HEATR5A: variants seen among roughly 807,000 people sequenced by gnomAD.
HEATR5A encodes the protein HEAT repeat containing 5A, also known as HEAT repeat-containing protein 5A.
A neutral mutation model predicts 218.8 loss-of-function variants in HEATR5A; 178 were observed. That is an observed-to-expected ratio of 0.81 (90% confidence interval 0.72 to 0.92). The LOEUF (loss-of-function observed/expected upper bound fraction) is 0.92. Ranked by LOEUF, HEATR5A falls within the 40% of genes least tolerant of loss-of-function variation. The pLI, the probability that HEATR5A is intolerant of heterozygous loss-of-function variation, is 0.00. For synonymous variants in HEATR5A, 864 were observed against 871.6 expected, an observed-to-expected ratio of 0.99 and a Z score of 0.15; for missense variants, 2,420 against 2,418.9, an observed-to-expected ratio of 1.00 and a Z score of -0.01.
intron 10 of HEATR5A, among the ~76,000 whole-genome samples, chr14:31,382,915 CAT>C (rs1366343462): frequency 6.6e-6 from 1 of 151,440 alleles, no homozygotes; most frequent in African/African-American, 2.4e-5. Context: ...TACTTTCTGG[CAT>C]GACAAGATAT....
rs757863378 is a variant in HEATR5A, at chr14:31,358,672, A to G, written c.2376T>C (p.Phe792=). 4 of 1,613,800 alleles carry G rather than the reference A, an allele frequency of 2.5e-6. No individual in the cohort carries two copies. Among genetic ancestry groups the G allele is most frequent in the Admixed American group, 1.7e-5 (1 of 59,982 alleles). ...LSVISSASKL[F]GVVCAHVGET... ...CTCCCACATGAGCGCATACAACCCCAAAGAGCTTGGATGCAGAACTAATAA... is the reference window on the plus strand; with the variant it reads ...CTCCCACATGAGCGCATACAACCCCGAAGAGCTTGGATGCAGAACTAATAA... The change falls in exon 16 of 36, where the codon TTT becomes TTC. Residue 792 remains phenylalanine, a synonymous_variant. Transcript: ENST00000543095.
At position 31,306,886 on chromosome 14, in the gene HEATR5A, T is replaced by C. The variant is rs1425151026; in HGVS notation, c.4819-7A>G. ...GCAATTCTATACCCAAGTCCTATCA[T>C]GGAAATCATGTACAGGACACTGTAT... On this transcript the variant is annotated splice_region_variant and splice_polypyrimidine_tract_variant and intron_variant, in intron 30 of 35. Coordinates refer to ENST00000543095, the MANE Select transcript of HEATR5A (RefSeq NM_015473.4). 25 of 1,596,274 alleles carry C rather than the reference T, an allele frequency of 1.6e-5. No homozygotes were observed. The highest frequency in any genetic ancestry group is 2.7e-5 in the African/African-American group (2 of 74,500).
chr14:31,342,853 C>T lies in HEATR5A; in HGVS notation c.3228+1043G>A, dbSNP rs556448949. Among the ~76,000 whole-genome samples, 9 of 152,250 alleles carry T rather than the reference C, an allele frequency of 5.9e-5. No homozygotes were observed. The East Asian group carries it at 9.6e-4, about 16-fold the overall frequency. ...TCTACAAAAGTAGGGATAATCTACA[C>T]GACAGATTTTTAAGATTCTGAGGTT... On this transcript the variant is annotated intron_variant, in intron 21 of 35. Transcript: ENST00000543095.
intron 28 of HEATR5A, among the ~76,000 whole-genome samples, chr14:31,311,482 G>A (rs1899750309): frequency 6.6e-6 from 1 of 151,834 alleles, no homozygotes; most frequent in African/African-American, 2.4e-5. Context: ...CACGATGATA[G>A]CTGCCTGCAG....
At chr14:31,336,223 T>TAC (rs1900658378) in intron 22 of HEATR5A, among the ~76,000 whole-genome samples, 1 of 6,686 alleles carries the variant, frequency 1.5e-4, no homozygotes, top group Non-Finnish European at 3.8e-4. Flanking sequence ...CATACATATA[T>TAC]ATATATATAT....
chr14:31,406,893 G>C (rs1329143203), intron 1 of HEATR5A, among the ~76,000 whole-genome samples: 2 of 147,978 alleles, frequency 1.4e-5, no homozygotes, highest in Non-Finnish European at 1.5e-5. Context: ...CAGGAACCCG[G>C]GAGGTAGAGG....
At position 31,387,305 on chromosome 14, in the gene HEATR5A, T is replaced by G. The variant is rs930323423; in HGVS notation, c.1004A>C (p.His335Pro). The change falls in exon 8 of 36, where the codon CAT becomes CCT. Residue 335 changes from histidine (H) to proline (P), a missense_variant. Transcript: ENST00000543095. The stretch of plus-strand genomic sequence containing the variant: ...TGACGGTGACGCAAGGCTTAGGATA[T>G]GAGAAAAAAAGGCAGCAAAATTTTT... ...LEKNFAAFFS[H>P]ILSLASPSHP... 1.2e-6 allele frequency: 2 copies of G among 1,613,792 alleles called. No individual in the cohort carries two copies. The highest frequency in any genetic ancestry group is 3.3e-5 in the Admixed American group (2 of 59,994).
chr14:31,318,195 C>CT (rs1348982968), intron 26 of HEATR5A, 29 bp downstream of exon 26: 1 of 1,593,166 alleles, frequency 6.3e-7, no homozygotes, highest in Non-Finnish European at 8.6e-7. Context: ...CCAAGATTAT[C>CT]TCTTAAGCTT....
Position 31,364,173 on chromosome 14 carries a change from G to T in HEATR5A, c.2071+16C>A. On this transcript the variant is annotated intron_variant, in intron 14 of 35. Coordinates refer to ENST00000543095, the MANE Select transcript of HEATR5A (RefSeq NM_015473.4). ...CTAGCCACAAACAAAAAAACATTTT[G>T]GTCTAAGGCACATACCTTCATAGGT... The T allele has an allele frequency of 8.8e-7, 1 of 1,132,230 alleles. No homozygotes were observed. Among genetic ancestry groups the T allele is most frequent in the Non-Finnish European group, 1.3e-6 (1 of 789,550 alleles). The allele number at this position is 1,132,230 out of a possible 1,614,324, so 70.1% of individuals were successfully genotyped here. A position where few individuals can be genotyped will look rare whatever the true frequency, so the allele number is the denominator to read the frequency against.
intron 13 of HEATR5A, among the ~76,000 whole-genome samples, chr14:31,369,866 G>A (rs1415728558): frequency 3.3e-5 from 5 of 151,372 alleles, no homozygotes; most frequent in South Asian, 2.1e-4. Flanking sequence ...CCCGGGAGAC[G>A]GAGGTTGCTG....
intron 25 of HEATR5A, chr14:31,320,479 C>T: frequency 1.5e-6 from 2 of 1,361,420 alleles, no homozygotes; most frequent in Non-Finnish European, 2.1e-6. Context: ...TCTGGAACTC[C>T]CGTCTGGCCA....
chr14:31,327,397 A>G (rs1900306968), intron 22 of HEATR5A, among the ~76,000 whole-genome samples: 1 of 147,924 alleles, frequency 6.8e-6, no homozygotes, highest in African/African-American at 2.5e-5. Flanking sequence ...GAGTTCAAGC[A>G]ATTCTCCTGT....
intron 7 of HEATR5A, among the ~76,000 whole-genome samples, chr14:31,387,796 G>A (rs865852899): frequency 7.9e-5 from 12 of 152,094 alleles, no homozygotes; most frequent in Middle Eastern, 3.2e-3. Flanking sequence ...TCCTGACTTC[G>A]TGATCCACCA....
chr14:31,386,302 TA>T, intron 9 of HEATR5A, 117 bp downstream of exon 9: 2 of 723,444 alleles, frequency 2.8e-6, no homozygotes, highest in Non-Finnish European at 4.2e-6. Context: ...AAATTTTTCA[TA>T]AAACATTTCT....
intron 25 of HEATR5A, among the ~76,000 whole-genome samples, chr14:31,320,939 G>C (rs1411765175): frequency 3.3e-5 from 5 of 152,084 alleles, no homozygotes; most frequent in African/African-American, 1.2e-4. Flanking sequence ...AATATTAGCT[G>C]AAAGATTTCT....
intron 13 of HEATR5A, among the ~76,000 whole-genome samples, chr14:31,368,249 G>A (rs537054489): frequency 3.9e-5 from 6 of 152,132 alleles, no homozygotes; most frequent in Non-Finnish European, 8.8e-5. Flanking sequence ...GTAGCAACAA[G>A]GTGCCATCTT....
chr14:31,319,405 G>A (rs1158790499), intron 25 of HEATR5A, among the ~76,000 whole-genome samples: 22 of 151,926 alleles, frequency 1.4e-4, no homozygotes, highest in Admixed American at 3.3e-4. Context: ...CGCCTACCTC[G>A]GCCTCCCAAA....
chr14:31,293,888 T>C lies in HEATR5A; in HGVS notation c.5833+3A>G. The C allele has an allele frequency of 6.3e-7, 1 of 1,588,516 alleles. No individual in the cohort carries two copies. The highest frequency in any genetic ancestry group is 8.6e-7 in the Non-Finnish European group (1 of 1,165,084). ...TGAGTATGAATTTAGTGCTGACACTTACGATGGTGTTCTTCAGCAACAGTA... is the reference window on the plus strand; with the variant it reads ...TGAGTATGAATTTAGTGCTGACACTCACGATGGTGTTCTTCAGCAACAGTA... On this transcript the variant is annotated splice_donor_region_variant and intron_variant, in intron 35 of 35. Coordinates refer to ENST00000543095, the MANE Select transcript of HEATR5A (RefSeq NM_015473.4).
intron 14 of HEATR5A, among the ~76,000 whole-genome samples, chr14:31,362,580 C>T (rs1901655227): frequency 8.7e-6 from 1 of 114,444 alleles, no homozygotes; most frequent in Admixed American, 1.2e-4. Context: ...CTGGGCAGCA[C>T]AGCAAGACCT....
Sources: allele counts gnomAD v4.1 joint callset (sites outside exome capture counted in the v4.1 genomes callset), GRCh38; gene constraint gnomAD v4.1.1; transcripts MANE v1.5; gene names NCBI Gene and HGNC (gene_info 2026-07-23, HGNC 2026-07-21).